Variants in SPSB4 observed in about 807,000 individuals in gnomAD.
The protein encoded by SPSB4 is SPRY domain-containing SOCS box protein 4.
SPSB4 carries 21 observed loss-of-function variants against 20.9 expected under a neutral mutation model. That is an observed-to-expected ratio of 1.01 (90% CI 0.71 to 1.45). The LOEUF is 1.45. Ranked by LOEUF, SPSB4 falls within the 40% of genes most tolerant of loss-of-function variation. SPSB4 has a pLI of 0.00. For synonymous variants in SPSB4, 207 were observed against 183.8 expected (o/e 1.13, Z -1.02); for missense variants, 399 against 399.2 (o/e 1.00, Z 0.00).
At chr3:141,079,210 G>A (rs1443418403) in intron 2 of SPSB4, among the ~76,000 whole-genome samples, 1 of 150,600 alleles carries the variant, frequency 6.6e-6, no homozygotes, top group Non-Finnish European at 1.5e-5. Context: ...GTAGTGAGCT[G>A]AGATCACACC....
intron 1 of SPSB4, among the ~76,000 whole-genome samples, chr3:141,054,542 T>G (rs1937601835): frequency 6.6e-6 from 1 of 152,238 alleles, no homozygotes; most frequent in South Asian, 2.1e-4. Context: ...GTGGGTGGTG[T>G]GCCCTTTGGG....
At chr3:141,126,913 G>A (rs966198622) in intron 2 of SPSB4, among the ~76,000 whole-genome samples, 5 of 152,330 alleles carry the variant, frequency 3.3e-5, no homozygotes, top group South Asian at 4.1e-4. Context: ...GCTAGGATTC[G>A]CCTCCAATAC....
intron 2 of SPSB4, among the ~76,000 whole-genome samples, chr3:141,137,281 T>G (rs1172382560): frequency 6.6e-6 from 1 of 152,252 alleles, no homozygotes; most frequent in Non-Finnish European, 1.5e-5. Context: ...TCATGTCATC[T>G]GCAAACAGGG....
chr3:141,063,537 GC>G (rs1451105799), intron 1 of SPSB4, among the ~76,000 whole-genome samples: 1 of 152,132 alleles, frequency 6.6e-6, no homozygotes, highest in Non-Finnish European at 1.5e-5. Context: ...TTTATAACTA[GC>G]CAAAATGGAT....
At chr3:141,088,603 C>A (rs1024110728) in intron 2 of SPSB4, among the ~76,000 whole-genome samples, 1 of 152,196 alleles carries the variant, frequency 6.6e-6, no homozygotes, top group South Asian at 2.1e-4. Flanking sequence ...GGAGTTAACA[C>A]CCTTGGGGAT....
intron 2 of SPSB4, among the ~76,000 whole-genome samples, chr3:141,121,112 A>T (rs1191898265): frequency 1.3e-5 from 2 of 151,738 alleles, no homozygotes; most frequent in Non-Finnish European, 2.9e-5. Context: ...GCCTGGTGGT[A>T]ACAAAATCTC....
intron 1 of SPSB4, among the ~76,000 whole-genome samples, chr3:141,056,417 C>G (rs961139486): frequency 6.6e-6 from 1 of 152,234 alleles, no homozygotes; most frequent in African/African-American, 2.4e-5. Flanking sequence ...TCCTCTCTTC[C>G]TCTCATCCTC....
intron 2 of SPSB4, among the ~76,000 whole-genome samples, chr3:141,081,125 G>T (rs559867676): frequency 2.0e-5 from 3 of 152,330 alleles, no homozygotes; most frequent in East Asian, 3.9e-4. Context: ...TTACACTGTG[G>T]TGCTACATCA....
At position 141,082,064 on chromosome 3, in the gene SPSB4, C is replaced by T. The variant is rs182146755; in HGVS notation, c.694+15266C>T. Among the ~76,000 whole-genome samples the T allele has an allele frequency of 1.1e-4, 17 of 152,262 alleles. 1 individual carries two copies. In the East Asian group the frequency reaches 3.3e-3, roughly 29 times the overall value. ...CCGCATGGGGAGCACACGTCTTTCT[C>T]TTTTCCTCCTGACCTGGTGGCCTTT... On this transcript the variant is annotated intron_variant, in intron 2 of 2. Coordinates refer to ENST00000310546, the MANE Select transcript of SPSB4 (RefSeq NM_080862.3).
intron 2 of SPSB4, among the ~76,000 whole-genome samples, chr3:141,108,571 G>T (rs902830062): frequency 2.0e-5 from 3 of 152,230 alleles, no homozygotes; most frequent in Admixed American, 6.5e-5. Context: ...TTACTGAGCA[G>T]CATTCTGTGC....
chr3:141,079,276 AAAG>A (rs1198923476), intron 2 of SPSB4, among the ~76,000 whole-genome samples: 2 of 151,964 alleles, frequency 1.3e-5, no homozygotes, highest in African/African-American at 4.8e-5. Flanking sequence ...AAAAAAAAAA[AAAG>A]AAAAGCACAT....
intron 2 of SPSB4, among the ~76,000 whole-genome samples, chr3:141,097,358 TC>T (rs932039338): frequency 6.6e-6 from 1 of 152,264 alleles, no homozygotes; most frequent in African/African-American, 2.4e-5. Context: ...AGAAACTGTT[TC>T]TGAGACTGCC....
rs567922475 is a variant in SPSB4, at chr3:141,114,285, C to T, written c.695-32857C>T. 5.3e-5 allele frequency among the ~76,000 whole-genome samples: 8 copies of T among 152,232 alleles called. No homozygotes were observed. The East Asian group carries it at 1.2e-3, about 22-fold the overall frequency. ...GGGGAGCACCCTTCATTCCCCATGA[C>T]CCCAGGAAAGTGTGCTCTCCTCCAG... is the stretch of plus-strand genomic sequence containing the variant. On this transcript the variant is annotated intron_variant, in intron 2 of 2. Transcript: ENST00000310546.
intron 2 of SPSB4, among the ~76,000 whole-genome samples, chr3:141,093,271 T>A (rs1344873203): frequency 6.6e-6 from 1 of 151,106 alleles, no homozygotes; most frequent in Non-Finnish European, 1.5e-5. Flanking sequence ...CTGAATATGA[T>A]GACAACAACA....
At chr3:141,092,962 C>G (rs1165576950) in intron 2 of SPSB4, among the ~76,000 whole-genome samples, 1 of 152,168 alleles carries the variant, frequency 6.6e-6, no homozygotes. Context: ...CCTGCTTTCT[C>G]CCTCCCCAGG....
At chr3:141,060,284 T>C (rs1937736961) in intron 1 of SPSB4, among the ~76,000 whole-genome samples, 1 of 152,210 alleles carries the variant, frequency 6.6e-6, no homozygotes, top group South Asian at 2.1e-4. Flanking sequence ...TTTAAGTGTC[T>C]TTTCAGCAAC....
intron 2 of SPSB4, 50 bp from the exon 3 acceptor site, chr3:141,147,092 G>A: frequency 6.2e-7 from 1 of 1,604,774 alleles, no homozygotes; most frequent in Non-Finnish European, 8.5e-7. Flanking sequence ...GGGATGAGAA[G>A]GTGCCAGGAT....
intron 2 of SPSB4, among the ~76,000 whole-genome samples, chr3:141,135,675 T>C (rs1384449907): frequency 2.0e-5 from 3 of 152,182 alleles, no homozygotes; most frequent in Admixed American, 1.3e-4. Context: ...CATGAACTCA[T>C]CATTTTTTAT....
At chr3:141,118,363 TA>T (rs1306133778) in intron 2 of SPSB4, among the ~76,000 whole-genome samples, 2 of 152,212 alleles carry the variant, frequency 1.3e-5, no homozygotes, top group Admixed American at 6.5e-5. Context: ...TAAATTTGTT[TA>T]AGTTCTTTGT....
Sources: gnomAD v4.1 joint callset for allele counts (sites outside exome capture counted in the v4.1 genomes callset) on GRCh38, gnomAD v4.1.1 for gene constraint, MANE v1.5 for transcripts, NCBI Gene and HGNC (gene_info 2026-07-23, HGNC 2026-07-21) for gene names.